Variants in ARHGAP19 observed in about 807,000 individuals in gnomAD.
ARHGAP19 encodes the protein rho GTPase-activating protein 19.
In ARHGAP19, 48 loss-of-function variants were observed where a neutral mutation model predicts 60.9. The observed-to-expected ratio is 0.79, with a 90% confidence interval of 0.62 to 1.00. The LOEUF (loss-of-function observed/expected upper bound fraction) is 1.00. Among genes scored for constraint, ARHGAP19 ranks in the 50% least tolerant of loss-of-function variants. ARHGAP19 has a pLI of 0.00. For synonymous variants in ARHGAP19, 209 were observed against 215.5 expected (o/e 0.97, Z 0.27); for missense variants, 562 against 597.2 (o/e 0.94, Z 0.61).
intron 1 of ARHGAP19, among the ~76,000 whole-genome samples, chr10:97,290,491 T>C (rs1843216991): frequency 6.6e-6 from 1 of 152,106 alleles, no homozygotes; most frequent in African/African-American, 2.4e-5. Flanking sequence ...ACTCACCCCA[T>C]GGCCCAAGAT....
At chr10:97,248,159 T>G (rs1434208885) in intron 6 of ARHGAP19, among the ~76,000 whole-genome samples, 1 of 152,092 alleles carries the variant, frequency 6.6e-6, no homozygotes, top group Non-Finnish European at 1.5e-5. Flanking sequence ...GAGACGGGGT[T>G]TCACCCCGCC....
chr10:97,243,894 C>A, intron 8 of ARHGAP19, 74 bp downstream of exon 8: 1 of 1,373,438 alleles, frequency 7.3e-7, no homozygotes, highest in Non-Finnish European at 9.9e-7. Flanking sequence ...AGATTCTTAA[C>A]AATATGACCT....
At chr10:97,242,019 A>T (rs188863382) in intron 8 of ARHGAP19, among the ~76,000 whole-genome samples, 2,303 of 148,124 alleles carry the variant, frequency 0.016, 20 homozygotes, top group African/African-American at 0.022. Context: ...CAAAAAAAAA[A>T]AAAAATAATA....
chr10:97,254,375 A>G (rs1277464558), intron 6 of ARHGAP19, among the ~76,000 whole-genome samples: 1 of 152,216 alleles, frequency 6.6e-6, no homozygotes, highest in Non-Finnish European at 1.5e-5. Context: ...AAAGCCAGAA[A>G]TAAACTCTTA....
chr10:97,259,238 T>C (rs1026927317), intron 5 of ARHGAP19, among the ~76,000 whole-genome samples, 164 bp downstream of exon 5: 1 of 152,210 alleles, frequency 6.6e-6, no homozygotes, highest in African/African-American at 2.4e-5. Context: ...GAATTGGCCC[T>C]CTCAGGTCTG....
At position 97,239,114 on chromosome 10, in the gene ARHGAP19, T is replaced by A. The variant is rs111574155; in HGVS notation, c.1186-3799A>T. On this transcript the variant is annotated intron_variant, in intron 8 of 11. Coordinates refer to ENST00000358531, the MANE Select transcript of ARHGAP19 (RefSeq NM_032900.6). ...GCCATCTAGGTTTATGTAAGTACAC[T>A]CTATGATGTTCACACAACAATGAAA... Among the ~76,000 whole-genome samples, 106 of 152,282 alleles carry A rather than the reference T, an allele frequency of 7.0e-4. 3 individuals carry two copies. The highest frequency in any genetic ancestry group is 1.9e-3 in the African/African-American group (78 of 41,552).
chr10:97,277,796 GAC>G (rs1282145714), intron 1 of ARHGAP19: 1 of 152,220 alleles, frequency 6.6e-6, no homozygotes, highest in Non-Finnish European at 1.5e-5. Flanking sequence ...ATTCCACAGT[GAC>G]ACATAGATCC....
At chr10:97,233,860 T>C (rs1453185576) in intron 9 of ARHGAP19, among the ~76,000 whole-genome samples, 1 of 129,894 alleles carries the variant, frequency 7.7e-6, no homozygotes, top group Admixed American at 8.6e-5. Context: ...AGAGAGAGAC[T>C]CCATCTAAAA....
chr10:97,273,180 T>C (rs1842981779), intron 1 of ARHGAP19, among the ~76,000 whole-genome samples: 2 of 152,038 alleles, frequency 1.3e-5, no homozygotes. Context: ...TTTTTCTCTT[T>C]GAGATGAAGT....
At chr10:97,292,192 CA>C (rs1843244362) in intron 1 of ARHGAP19, among the ~76,000 whole-genome samples, 1 of 152,224 alleles carries the variant, frequency 6.6e-6, no homozygotes, top group Non-Finnish European at 1.5e-5. Context: ...CCTGAACGCA[CA>C]AAGTGCCTCG....
intron 9 of ARHGAP19, among the ~76,000 whole-genome samples, chr10:97,231,058 CCAAAAAA>C (rs1198981759): frequency 3.7e-3 from 42 of 11,314 alleles, no homozygotes; most frequent in South Asian, 0.025. Flanking sequence ...TCTTGTCTCA[CCAAAAAA>C]AAAAAAAAAA....
chr10:97,256,985 G>C (rs919790336), intron 5 of ARHGAP19, among the ~76,000 whole-genome samples: 1 of 152,142 alleles, frequency 6.6e-6, no homozygotes, highest in East Asian at 1.9e-4. Context: ...GCCGGGCGTG[G>C]TGGCGGGCGC....
At position 97,237,507 on chromosome 10, in the gene ARHGAP19, A is replaced by C. The variant is rs113378678; in HGVS notation, c.1186-2192T>G. Among the ~76,000 whole-genome samples, 106 of 152,302 alleles carry C rather than the reference A, an allele frequency of 7.0e-4. 3 individuals are homozygous for C. Among genetic ancestry groups the C allele is most frequent in the African/African-American group, 1.9e-3 (78 of 41,560 alleles). ...GACTGCAGTGATGCTGGAATAAACA[A>C]ACCTACTGTGCTGGAAGCTGTATAA... On this transcript the variant is annotated intron_variant, in intron 8 of 11. Transcript: ENST00000358531.
At chr10:97,235,861 C>T (rs1842367053) in intron 8 of ARHGAP19, among the ~76,000 whole-genome samples, 1 of 152,154 alleles carries the variant, frequency 6.6e-6, no homozygotes, top group Non-Finnish European at 1.5e-5. Flanking sequence ...CGAGAAGACC[C>T]AATGCATTGA....
In ARHGAP19 at chr10:97,263,472, C is replaced by A; in HGVS notation, c.561G>T (p.Leu187Phe). The A allele has an allele frequency of 6.2e-7, 1 of 1,614,134 alleles. No homozygotes were observed. The highest frequency in any genetic ancestry group is 8.5e-7 in the Non-Finnish European group (1 of 1,180,026). Residue 187 changes from leucine to phenylalanine, a missense_variant, in exon 4 of 12, where the codon TTG becomes TTT. Physicochemically the swap from Leu to Phe is conservative, Grantham distance 22. Coordinates refer to ENST00000358531, the MANE Select transcript of ARHGAP19 (RefSeq NM_032900.6). ...GTTTATGTGTCAGCAGAGGCTCCGG[C>A]AACTCTCCTAGAAACATCTTCAGCA... ...ATLLKMFLGE[L>F]PEPLLTHKHF...
rs370145565 is a variant in ARHGAP19 at position 97,244,016 on chromosome 10, G to A, written c.1137C>T (p.His379=). ...TEEALRELFQ[H]VHDMPESAKK... ...TTGCTGACTCTGGCATATCATGAAC[G>A]TGTTGAAACAGCTCTCTCAGTGCCT... The change falls in exon 8 of 12, where the codon CAC becomes CAT. Residue 379 remains histidine, a synonymous_variant. Coordinates refer to ENST00000358531, the MANE Select transcript of ARHGAP19 (RefSeq NM_032900.6). 349 of 1,613,434 alleles carry A rather than the reference G, an allele frequency of 2.2e-4. No homozygotes were observed. The highest frequency in any genetic ancestry group is 3.8e-4 in the East Asian group (17 of 44,894).
In ARHGAP19 at chr10:97,259,491, A is replaced by T; in HGVS notation, c.751T>A (p.Tyr251Asn). The stretch of plus-strand genomic sequence containing the variant: ...TTGTCTTGTTTCTTTGCTGTCTGGT[A>T]TAGGAGATCAAGCAATAACTTCAGC... ...NLLKLLLDLLYQTAKKQDKNK... is the reference protein window; with the variant it reads ...NLLKLLLDLLNQTAKKQDKNK... Residue 251 changes from tyrosine to asparagine, a missense_variant, in exon 5 of 12, where the codon TAC (tyrosine) becomes AAC (asparagine). Transcript: ENST00000358531. The T allele has an allele frequency of 6.2e-7, 1 of 1,614,184 alleles. No homozygotes were observed. Among genetic ancestry groups the T allele is most frequent in the Non-Finnish European group, 8.5e-7 (1 of 1,180,016 alleles).
chr10:97,235,590 T>C (rs1658785402), intron 8 of ARHGAP19, among the ~76,000 whole-genome samples: 1 of 152,212 alleles, frequency 6.6e-6, no homozygotes, highest in African/African-American at 2.4e-5. Flanking sequence ...GGAGAGCTTA[T>C]GAAATTTATC....
chr10:97,283,648 T>C (rs1843116845), intron 1 of ARHGAP19, among the ~76,000 whole-genome samples: 4 of 151,928 alleles, frequency 2.6e-5, no homozygotes, highest in South Asian at 4.1e-4. Context: ...GAAACCAAGA[T>C]AGAAATCAGA....
Sources: allele counts gnomAD v4.1 joint callset (sites outside exome capture counted in the v4.1 genomes callset), GRCh38; gene constraint gnomAD v4.1.1; transcripts MANE v1.5; gene names NCBI Gene and HGNC (gene_info 2026-07-23, HGNC 2026-07-21).